The following P2RY11 variants were observed in gnomAD, a reference collection of about 807,000 sequenced individuals.
The protein encoded by P2RY11 is P2Y purinoceptor 11.
A neutral mutation model predicts 2.4 loss-of-function variants in P2RY11; 3 were observed. The ratio of observed to expected loss-of-function variants is 1.22; its 90% CI spans 0.56 to 3.17. P2RY11 has a LOEUF of 3.17. Among genes scored for constraint, P2RY11 ranks in the 30% most tolerant of loss-of-function variants. P2RY11 has a pLI of 0.03. For missense variants in P2RY11, 670 were observed against 528.2 expected, an observed-to-expected ratio of 1.27 and a Z score of -2.63; for synonymous variants, 307 against 237.3, an observed-to-expected ratio of 1.29 and a Z score of -2.70.
rs751476990 is a variant in P2RY11 at position 10,113,654 on chromosome 19, ACTT to A, written c.45_47del (p.Phe15del). On this transcript the variant is annotated inframe_deletion, in exon 2 of 2. Transcript: ENST00000321826. ...ACAGGTGCCAAGTCCTGCCCTGCCA[ACTT>A]CTTGGCAGCTGCCGACGACAAACTC... 3 of 1,611,552 alleles carry A rather than the reference ACTT, an allele frequency of 1.9e-6. No individual in the cohort carries two copies. The highest frequency in any genetic ancestry group is 1.1e-5 in the South Asian group (1 of 91,050).
intron 1 of P2RY11, chr19:10,111,961 T>A: frequency 3.8e-6 from 2 of 522,714 alleles, no homozygotes; most frequent in Non-Finnish European, 6.9e-6. Context: ...AATAAAAAAA[T>A]TAGCTGGGCC....
At chr19:10,113,131 C>A (rs899456364) in intron 1 of P2RY11, among the ~76,000 whole-genome samples, 2 of 152,142 alleles carry the variant, frequency 1.3e-5, no homozygotes, top group South Asian at 4.1e-4. Flanking sequence ...ACTCCCTGGC[C>A]AAGTGTGAGC....
rs369531262 is a variant in P2RY11, at chr19:10,113,864, C to T, written c.251C>T (p.Pro84Leu). 8.7e-6 allele frequency: 14 copies of T among 1,611,108 alleles called. No individual in the cohort carries two copies. Among genetic ancestry groups the T allele is most frequent in the Admixed American group, 1.7e-5 (1 of 59,902 alleles). ...CTGCTCTGCGCCCTGACGCTGCCCCCGCTGGCCGCCTACCTCTATCCCCCC... is the reference window on the plus strand; with the variant it reads ...CTGCTCTGCGCCCTGACGCTGCCCCTGCTGGCCGCCTACCTCTATCCCCCC... ...SDLLCALTLP[P>L]LAAYLYPPKH... is the part of the protein sequence containing the mutation. The change falls in exon 2 of 2, where the codon CCG (proline) becomes CTG (leucine). Residue 84 changes from proline to leucine, a missense_variant. Pro to Leu is a moderately conservative substitution (Grantham distance 98). Transcript: ENST00000321826.
chr19:10,114,371 G>A lies in P2RY11; in HGVS notation c.758G>A (p.Gly253Asp). Residue 253 changes from glycine (G) to aspartate (D), a missense_variant, in exon 2 of 2, where the codon GGT becomes GAT. By Grantham distance (94) the Gly-to-Asp change is moderately conservative (BLOSUM62 -1). Coordinates refer to ENST00000321826, the MANE Select transcript of P2RY11 (RefSeq NM_002566.5). ...CGTGTGGCAGCGTTGGTGGCCAGTG[G>A]TGTGGCCCTCTACGCCAGCTCCTAT... ...KLRVAALVAS[G>D]VALYASSYVP... 6.2e-7 allele frequency: 1 copy of A among 1,606,914 alleles called. No individual in the cohort carries two copies. The highest frequency in any genetic ancestry group is 8.5e-7 in the Non-Finnish European group (1 of 1,179,716).
Position 10,114,839 on chromosome 19 carries a change from C to G in P2RY11, c.*101C>G. On this transcript the variant is annotated 3_prime_UTR_variant, in exon 2 of 2. Transcript: ENST00000321826. ...CATCCCTTCCCCCAAAAAGCAACAC[C>G]TGTGCTTGCAGCCAGGTCAGGCCCA... The G allele has an allele frequency of 3.3e-6, 5 of 1,501,608 alleles. No homozygotes were observed. The highest frequency in any genetic ancestry group is 4.4e-6 in the Non-Finnish European group (5 of 1,127,808). 93.0% of individuals were successfully genotyped at this position (1,501,608 alleles called of 1,614,324 possible). A position where few individuals can be genotyped will look rare whatever the true frequency, so the allele number is the denominator to read the frequency against.
rs368352623 is a variant in P2RY11 at position 10,115,121 on chromosome 19, G to T, written c.*383G>T. ...TACACAGTGGCAGCTGGCTTAGTTG[G>T]TGGACGGCCTGGGGTAGGGGAGGGT... On this transcript the variant is annotated 3_prime_UTR_variant, in exon 2 of 2. Coordinates refer to ENST00000321826, the MANE Select transcript of P2RY11 (RefSeq NM_002566.5). 5.0e-6 allele frequency: 8 copies of T among 1,614,032 alleles called. No individual in the cohort carries two copies. Among genetic ancestry groups the T allele is most frequent in the Non-Finnish European group, 6.8e-6 (8 of 1,180,012 alleles).
In P2RY11 at chr19:10,114,577, A is replaced by C. The variant is rs200231187; in HGVS notation, c.964A>C (p.Met322Leu). ...CTTCTGTGTCCACCCTCTACTCTACATGGCCGCAGTGCCCAGCCTGGGCTG... is the reference window on the plus strand; with the variant it reads ...CTTCTGTGTCCACCCTCTACTCTACCTGGCCGCAGTGCCCAGCCTGGGCTG... ...LAFCVHPLLY[M>L]AAVPSLGCCC... The change falls in exon 2 of 2, where the codon ATG becomes CTG. Residue 322 changes from methionine (M) to leucine (L), a missense_variant. Physicochemically the swap from Met to Leu is conservative, Grantham distance 15 (BLOSUM62 2). Transcript: ENST00000321826. 2.1e-4 allele frequency: 342 copies of C among 1,613,618 alleles called. No individual in the cohort carries two copies. Among genetic ancestry groups the C allele is most frequent in the Non-Finnish European group, 2.4e-4 (289 of 1,179,946 alleles).
rs2145222207 is a variant in P2RY11 at position 10,114,355 on chromosome 19, G to A, written c.742G>A (p.Ala248Thr). ...TGTGGCCGAGAAGCTGCGTGTGGCAGCGTTGGTGGCCAGTGGTGTGGCCCT... is the reference window on the plus strand; with the variant it reads ...TGTGGCCGAGAAGCTGCGTGTGGCAACGTTGGTGGCCAGTGGTGTGGCCCT... ...MTVAEKLRVA[A>T]LVASGVALYA... The change falls in exon 2 of 2, where the codon GCG (alanine) becomes ACG (threonine). Residue 248 changes from alanine (A) to threonine (T), a missense_variant. By Grantham distance (58) the Ala-to-Thr change is moderately conservative. Transcript: ENST00000321826. The A allele has an allele frequency of 1.2e-6, 2 of 1,604,372 alleles. No homozygotes were observed. The highest frequency in any genetic ancestry group is 4.5e-5 in the East Asian group (2 of 44,810).
chr19:10,114,617 G>A lies in P2RY11; in HGVS notation c.1004G>A (p.Cys335Tyr), dbSNP rs1317431469. ...AGCCTGGGCTGCTGCTGCCGACACT[G>A]CCCCGGCTACAGGGACAGCTGGAAC... ...VPSLGCCCRH[C>Y]PGYRDSWNPE... Residue 335 changes from cysteine to tyrosine, a missense_variant, in exon 2 of 2, where the codon TGC becomes TAC. By Grantham distance (194) the Cys-to-Tyr change is radical. Coordinates refer to ENST00000321826, the MANE Select transcript of P2RY11 (RefSeq NM_002566.5). 3 of 1,613,956 alleles carry A rather than the reference G, an allele frequency of 1.9e-6. No homozygotes were observed. The highest frequency in any genetic ancestry group is 1.6e-4 in the Middle Eastern group (1 of 6,062).
At chr19:10,112,095 C>G in intron 1 of P2RY11, 1 of 188,526 alleles carries the variant, frequency 5.3e-6, no homozygotes. Flanking sequence ...GGGCAATGAG[C>G]GAAACTCCAT....
intron 1 of P2RY11, 149 bp from the exon 2 acceptor site, chr19:10,113,484 C>T: frequency 3.3e-6 from 4 of 1,220,178 alleles, no homozygotes; most frequent in Admixed American, 5.6e-5. Flanking sequence ...CAATCCTGTC[C>T]ACATAAAGGA....
intron 1 of P2RY11, among the ~76,000 whole-genome samples, chr19:10,112,830 TACTC>T (rs140104052): frequency 0.029 from 4,467 of 152,072 alleles, 211 homozygotes; most frequent in African/African-American, 0.099. Flanking sequence ...TAGTCCCAAA[TACTC>T]AGGAAGCTGA....
At chr19:10,111,913 C>T (rs919085795) in intron 1 of P2RY11, among the ~76,000 whole-genome samples, 173 bp downstream of exon 1, 4 of 152,002 alleles carry the variant, frequency 2.6e-5, no homozygotes, top group Non-Finnish European at 5.9e-5. Flanking sequence ...GGTTCGAGAC[C>T]ACCCTGACCA....
chr19:10,115,159 A>G lies in P2RY11; in HGVS notation c.*421A>G, dbSNP rs746610226. On this transcript the variant is annotated 3_prime_UTR_variant, in exon 2 of 2. Coordinates refer to ENST00000321826, the MANE Select transcript of P2RY11 (RefSeq NM_002566.5). ...GGTAGGGGAGGGTGGCAGGTATAAGACTTCTGGGGGCACCCCAAGACCCCA... is the reference window on the plus strand; with the variant it reads ...GGTAGGGGAGGGTGGCAGGTATAAGGCTTCTGGGGGCACCCCAAGACCCCA... 5.6e-6 allele frequency: 9 copies of G among 1,612,190 alleles called. No homozygotes were observed. In the African/African-American group the frequency reaches 1.1e-4, roughly 19 times the overall value.
In P2RY11 at chr19:10,115,015, AGAG is replaced by A; in HGVS notation, c.*278_*280del. On this transcript the variant is annotated 3_prime_UTR_variant, in exon 2 of 2. Transcript: ENST00000321826. ...GACGCAAGAACAAAAAGAACCAAGT[AGAG>A]AGAGTGGAGCTGCTTTATTGCCCTT... The A allele has an allele frequency of 6.4e-7, 1 of 1,556,862 alleles. No individual in the cohort carries two copies. The highest frequency in any genetic ancestry group is 1.4e-5 in the African/African-American group (1 of 72,970).
Position 10,115,059 on chromosome 19 carries a change from G to A in P2RY11, c.*321G>A, listed in dbSNP as rs373508748. 27 of 1,612,332 alleles carry A rather than the reference G, an allele frequency of 1.7e-5. No individual in the cohort carries two copies. Among genetic ancestry groups the A allele is most frequent in the African/African-American group, 2.7e-5 (2 of 74,942 alleles). On this transcript the variant is annotated 3_prime_UTR_variant, in exon 2 of 2. Transcript: ENST00000321826. Reference sequence around the variant, plus strand: ...TATTGCCCTTGGAGCCCGCGCTCTCGGAGGCTGTCTTCTGTCGCCAAGGGT... The same window carrying A: ...TATTGCCCTTGGAGCCCGCGCTCTCAGAGGCTGTCTTCTGTCGCCAAGGGT...
At chr19:10,112,581 G>T (rs1043947381) in intron 1 of P2RY11, 1 of 152,438 alleles carries the variant, frequency 6.6e-6, no homozygotes, top group African/African-American at 2.4e-5. Flanking sequence ...TGTCAACAGT[G>T]GTTAGGGTGG....
rs772573424 is a variant in P2RY11 at position 10,114,371 on chromosome 19, G to T, written c.758G>T (p.Gly253Val). 3.1e-6 allele frequency: 5 copies of T among 1,606,914 alleles called. No homozygotes were observed. The East Asian group carries it at 1.1e-4, about 36-fold the overall frequency. Reference protein sequence around the residue: ...KLRVAALVASGVALYASSYVP... With the variant: ...KLRVAALVASVVALYASSYVP... The stretch of plus-strand genomic sequence containing the variant: ...CGTGTGGCAGCGTTGGTGGCCAGTG[G>T]TGTGGCCCTCTACGCCAGCTCCTAT... Residue 253 changes from glycine (G) to valine (V), a missense_variant, in exon 2 of 2, where the codon GGT (glycine) becomes GTT (valine). Physicochemically the swap from Gly to Val is moderately radical, Grantham distance 109. Coordinates refer to ENST00000321826, the MANE Select transcript of P2RY11 (RefSeq NM_002566.5).
Position 10,114,415 on chromosome 19 carries a change from C to CGGGT in P2RY11, c.804_807dup (p.Leu270GlyfsTer95). ...CTCCTATGTGCCCTACCACATCATG[C>CGGGT]GGGTGCTCAACGTGGATGCTCGGCG... is the stretch of plus-strand genomic sequence containing the variant. On this transcript the variant is annotated frameshift_variant, in exon 2 of 2. Transcript: ENST00000321826. LOFTEE classifies it low-confidence loss of function (END_TRUNC). 1 of 1,610,820 alleles carries CGGGT rather than the reference C, an allele frequency of 6.2e-7. No individual in the cohort carries two copies. The highest frequency in any genetic ancestry group is 8.5e-7 in the Non-Finnish European group (1 of 1,179,906).
Sources: gnomAD v4.1 joint callset for allele counts (sites outside exome capture counted in the v4.1 genomes callset) on GRCh38, gnomAD v4.1.1 for gene constraint, MANE v1.5 for transcripts, NCBI Gene and HGNC (gene_info 2026-07-23, HGNC 2026-07-21) for gene names.